NOM1: variants seen among roughly 807,000 people sequenced by gnomAD.
The protein encoded by NOM1 is nucleolar protein with MIF4G domain 1.
In NOM1, 58 loss-of-function variants were observed where a neutral mutation model predicts 73.3. That is an observed-to-expected ratio of 0.79 (90% CI 0.64 to 0.99). NOM1 has a LOEUF of 0.99. Among genes scored for constraint, NOM1 ranks in the 50% least tolerant of loss-of-function variants. NOM1 has a pLI of 0.00. For synonymous variants in NOM1, 487 were observed against 446.8 expected, an observed-to-expected ratio of 1.09 and a Z score of -1.14; for missense variants, 1,226 against 1,131.9, an observed-to-expected ratio of 1.08 and a Z score of -1.19.
At chr7:156,964,909 T>C (rs1767662003) in intron 7 of NOM1, among the ~76,000 whole-genome samples, 1 of 152,248 alleles carries the variant, frequency 6.6e-6, no homozygotes, top group South Asian at 2.1e-4. Flanking sequence ...TTATCCTTTG[T>C]ACTCGAAGGA....
chr7:156,950,798 A>G (rs1804574491), intron 1 of NOM1, 74 bp downstream of exon 1: 1 of 1,332,446 alleles, frequency 7.5e-7, no homozygotes, highest in African/African-American at 1.5e-5. Flanking sequence ...GGCGTGAGGC[A>G]GAAATGACAC....
At position 156,949,721 on chromosome 7, in the gene NOM1, T is replaced by A; in HGVS notation, c.-17T>A. On this transcript the variant is annotated 5_prime_UTR_variant, in exon 1 of 11. Transcript: ENST00000275820. The stretch of plus-strand genomic sequence containing the variant: ...TCCCGCCTCGGCCGGAAGTCGTGCG[T>A]CCACGCGTTTCGAAAGATGGCGGCG... 7.5e-7 allele frequency: 1 copy of A among 1,337,700 alleles called. No homozygotes were observed. Among genetic ancestry groups the A allele is most frequent in the Non-Finnish European group, 9.5e-7 (1 of 1,049,584 alleles). The allele number at this position is 1,337,700 out of a possible 1,614,324, so 82.9% of individuals were successfully genotyped here.
intron 8 of NOM1, 32 bp downstream of exon 8, chr7:156,966,434 G>A (rs780658885): frequency 1.2e-5 from 20 of 1,612,070 alleles, no homozygotes; most frequent in Middle Eastern, 1.7e-4. Context: ...AGTTACGTCC[G>A]CTCTACTATT....
chr7:156,971,249 G>T lies in NOM1; in HGVS notation c.*1546G>T, dbSNP rs1193598259. On this transcript the variant is annotated 3_prime_UTR_variant, in exon 11 of 11. Transcript: ENST00000275820. ...AAGATGTGAATACAGAATAGACATT[G>T]AGAGGTTATATATGTCCAAAACTCA... 1 of 152,234 alleles carries T rather than the reference G, an allele frequency of 6.6e-6. No individual in the cohort carries two copies. Among genetic ancestry groups the T allele is most frequent in the Non-Finnish European group, 1.5e-5 (1 of 68,052 alleles). The allele number at this position is 152,234 out of a possible 1,614,324, so 9.4% of individuals were successfully genotyped here.
At chr7:156,958,499 C>T (rs1345105253) in intron 3 of NOM1, 4 of 152,234 alleles carry the variant, frequency 2.6e-5, no homozygotes, top group Admixed American at 6.5e-5. Flanking sequence ...CCTCCAGTCC[C>T]AGCTTAAGTT....
intron 8 of NOM1, among the ~76,000 whole-genome samples, chr7:156,966,709 TGGC>T (rs1805007726): frequency 6.6e-6 from 1 of 152,204 alleles, no homozygotes; most frequent in Non-Finnish European, 1.5e-5. Context: ...CCCCTTGCTG[TGGC>T]CTTTTCCTTA....
intron 9 of NOM1, 42 bp downstream of exon 9, chr7:156,967,134 G>A (rs773994763): frequency 1.3e-6 from 2 of 1,599,148 alleles, no homozygotes; most frequent in South Asian, 1.1e-5. Flanking sequence ...ATGGAAATGG[G>A]AGTGTAATTG....
chr7:156,962,107 C>T, intron 4 of NOM1, 44 bp from the exon 5 acceptor site: 3 of 1,536,220 alleles, frequency 2.0e-6, no homozygotes, highest in Non-Finnish European at 2.7e-6. Context: ...GCCGTTTAGA[C>T]TGTTTGAAAT....
chr7:156,952,238 A>G (rs970812216), intron 1 of NOM1, among the ~76,000 whole-genome samples: 2 of 152,156 alleles, frequency 1.3e-5, no homozygotes, highest in Non-Finnish European at 2.9e-5. Context: ...GGAAAACGAG[A>G]TGGTGAAATG....
chr7:156,954,338 C>T, intron 3 of NOM1, 40 bp downstream of exon 3: 2 of 1,504,966 alleles, frequency 1.3e-6, no homozygotes, highest in Non-Finnish European at 1.8e-6. Flanking sequence ...ACTAGTGTCT[C>T]ATGGTGATTA....
rs1427132948 is a variant in NOM1, at chr7:156,972,621, G to A, written c.*2918G>A. 6.6e-6 allele frequency: 1 copy of A among 152,228 alleles called. No homozygotes were observed. Among genetic ancestry groups the A allele is most frequent in the African/African-American group, 2.4e-5 (1 of 41,448 alleles). The allele number at this position is 152,228 out of a possible 1,614,324, so 9.4% of individuals were successfully genotyped here. ...GTTGCGGGTGGATCACTTGAGGTCA[G>A]GAGTTCGAGACCAGCCTGGCCAACA... On this transcript the variant is annotated 3_prime_UTR_variant, in exon 11 of 11. Coordinates refer to ENST00000275820, the MANE Select transcript of NOM1 (RefSeq NM_138400.2).
chr7:156,955,604 C>A (rs143302051), intron 3 of NOM1, among the ~76,000 whole-genome samples: 1 of 152,170 alleles, frequency 6.6e-6, no homozygotes, highest in East Asian at 1.9e-4. Flanking sequence ...TATATACTTT[C>A]GTCTCCTCCT....
rs1473010268 is a variant in NOM1, at chr7:156,966,476, C to CTGCAAAGGAGT, written c.2166+76_2166+86dup. 5 of 1,563,564 alleles carry CTGCAAAGGAGT rather than the reference C, an allele frequency of 3.2e-6. No homozygotes were observed. The East Asian group carries it at 1.1e-4, about 35-fold the overall frequency. ...ACACAGGCTACCTGGCTCAACCCAC[C>CTGCAAAGGAGT]TGCAAAGGAGTTCCCCAAGTCAGGA... is the stretch of plus-strand genomic sequence containing the variant. On this transcript the variant is annotated intron_variant, in intron 8 of 10. Transcript: ENST00000275820.
At chr7:156,954,015 G>A (rs747512196) in intron 2 of NOM1, 88 bp from the exon 3 acceptor site, 340 of 1,051,862 alleles carry the variant, frequency 3.2e-4, no homozygotes, top group Non-Finnish European at 4.4e-4. Context: ...TATATTGTTG[G>A]TATGGATAAC....
Position 156,950,632 on chromosome 7 carries a change from G to A in NOM1, c.895G>A (p.Ala299Thr), listed in dbSNP as rs763778766. Residue 299 changes from alanine (A) to threonine (T), a missense_variant, in exon 1 of 11, where the codon GCG becomes ACG. By Grantham distance (58) the Ala-to-Thr change is moderately conservative. Coordinates refer to ENST00000275820, the MANE Select transcript of NOM1 (RefSeq NM_138400.2). ...EEQGEEKEKG[A>T]QEKRRGKRVR... ...ACAGGGGGAAGAAAAGGAAAAGGGAGCGCAGGAGAAAAGGAGGGGGAAGAG... is the reference window on the plus strand; with the variant it reads ...ACAGGGGGAAGAAAAGGAAAAGGGAACGCAGGAGAAAAGGAGGGGGAAGAG... 133 of 1,557,370 alleles carry A rather than the reference G, an allele frequency of 8.5e-5. 2 individuals are homozygous for A. The South Asian group carries it at 8.6e-4, about 10-fold the overall frequency.
rs767476002 is a variant in NOM1, at chr7:156,966,968, T to C, written c.2174T>C (p.Phe725Ser). The change falls in exon 9 of 11, where the codon TTC (phenylalanine) becomes TCC (serine). Residue 725 changes from phenylalanine to serine, a missense_variant. Phe to Ser is a radical substitution (Grantham distance 155). Transcript: ENST00000275820. Reference protein sequence around the residue: ...CEYERRFQMTFQFSIWDKFRD... With the variant: ...CEYERRFQMTSQFSIWDKFRD... ...TTTTAACTATGATACTAGATGACTTTCCAGTTCAGCATATGGGACAAATTT... is the reference window on the plus strand; with the variant it reads ...TTTTAACTATGATACTAGATGACTTCCCAGTTCAGCATATGGGACAAATTT... 3.7e-6 allele frequency: 6 copies of C among 1,612,904 alleles called. No individual in the cohort carries two copies. The highest frequency in any genetic ancestry group is 3.4e-6 in the Non-Finnish European group (4 of 1,179,738).
Position 156,969,532 on chromosome 7 carries a change from A to G in NOM1, c.2412A>G (p.Val804=), listed in dbSNP as rs117237197. Residue 804 remains valine, a synonymous_variant, in exon 11 of 11, where the codon GTA becomes GTG. Coordinates refer to ENST00000275820, the MANE Select transcript of NOM1 (RefSeq NM_138400.2). The part of the protein sequence containing the change: ...VEDLSLIFTR[V]SDNPKLGVLR... ...TGTTTATACGATTCCTTTCCAGAGT[A>G]TCTGACAACCCAAAGCTGGGGGTGT... 2.3e-4 allele frequency: 377 copies of G among 1,613,162 alleles called. 1 individual carries two copies. Among genetic ancestry groups the G allele is most frequent in the Middle Eastern group, 8.3e-4 (5 of 6,056 alleles).
intron 5 of NOM1, 118 bp downstream of exon 5, chr7:156,962,379 G>A (rs1804887890): frequency 2.4e-6 from 2 of 821,624 alleles, no homozygotes; most frequent in South Asian, 1.5e-5. Context: ...GTGAGTGAGA[G>A]TGCTCAGAGG....
At chr7:156,967,120 A>G in intron 9 of NOM1, 28 bp downstream of exon 9, 1 of 1,606,220 alleles carries the variant, frequency 6.2e-7, no homozygotes, top group Non-Finnish European at 8.5e-7. Context: ...AAATATTGAA[A>G]GCAATGGAAA....
Sources: gnomAD v4.1 joint callset for allele counts (sites outside exome capture counted in the v4.1 genomes callset) on GRCh38, gnomAD v4.1.1 for gene constraint, MANE v1.5 for transcripts, NCBI Gene and HGNC (gene_info 2026-07-23, HGNC 2026-07-21) for gene names.